VMAC: variants seen among roughly 807,000 people sequenced by gnomAD.
VMAC encodes vimentin-type intermediate filament-associated coiled-coil protein.
Under a neutral mutation model 4.8 loss-of-function variants are expected in VMAC, and 8 were observed. The observed-to-expected ratio is 1.68, with a 90% CI of 0.99 to 3.03. The LOEUF is 3.03. Among genes scored for constraint, VMAC ranks in the 30% most tolerant of loss-of-function variants. The pLI is 0.00. For synonymous variants in VMAC, 96 were observed against 113.7 expected (o/e 0.84, Z 0.99); for missense variants, 248 against 245.1 (o/e 1.01, Z -0.08).
intron 1 of VMAC, 104 bp downstream of exon 1, chr19:5,905,185 TA>T (rs1472369919): frequency 8.6e-7 from 1 of 1,163,882 alleles, no homozygotes; most frequent in Non-Finnish European, 1.1e-6. Flanking sequence ...TGCACTTGTA[TA>T]GACGCTAGAC....
chr19:5,906,823 G>A (rs1258998775), intron 1 of VMAC, among the ~76,000 whole-genome samples: 1 of 152,150 alleles, frequency 6.6e-6, no homozygotes, highest in Non-Finnish European at 1.5e-5. Flanking sequence ...TCAGGAGTTC[G>A]AGACCAGCCT....
At chr19:5,907,570 T>C (rs417337) in intron 1 of VMAC, among the ~76,000 whole-genome samples, 96,154 of 138,602 alleles carry the variant, frequency 0.69, 33,313 homozygotes, top group Admixed American at 0.79. Context: ...GTCAAGAATT[T>C]GAGACCAGCC....
At chr19:5,907,658 C>T (rs1261078055) in intron 1 of VMAC, among the ~76,000 whole-genome samples, 3 of 122,918 alleles carry the variant, frequency 2.4e-5, no homozygotes, top group African/African-American at 5.8e-5. Flanking sequence ...TGGTGGCACA[C>T]GCCTGCAGTC....
At position 5,904,930 on chromosome 19, in the gene VMAC, G is replaced by T; in HGVS notation, c.40G>T (p.Ala14Ser). The change falls in exon 1 of 2, where the codon GCA becomes TCA. Residue 14 changes from alanine (A) to serine (S), a missense_variant. By Grantham distance (99) the Ala-to-Ser change is moderately conservative (BLOSUM62 1). Coordinates refer to ENST00000339485, the MANE Select transcript of VMAC (RefSeq NM_001017921.4). Reference protein sequence around the residue: ...PPALQIREANAHLAAVHRRAA... With the variant: ...PPALQIREANSHLAAVHRRAA... ...GGCCCTGCAGATCCGGGAGGCAAAC[G>T]CACACCTGGCAGCCGTGCACCGGCG... 6.7e-7 allele frequency: 1 copy of T among 1,490,622 alleles called. No individual in the cohort carries two copies. Among genetic ancestry groups the T allele is most frequent in the Non-Finnish European group, 8.8e-7 (1 of 1,130,716 alleles). 92.3% of individuals were successfully genotyped at this position (1,490,622 alleles called of 1,614,324 possible).
chr19:5,910,287 T>A lies in VMAC; in HGVS notation c.*1145T>A, dbSNP rs570252377. On this transcript the variant is annotated 3_prime_UTR_variant, in exon 2 of 2. Transcript: ENST00000339485. Reference sequence around the variant, plus strand: ...CCTCTGTGTTATTTGTGCCTCCTGGTAGGGTCCTGCTGGGCCAGGTAGAAT... The same window carrying A: ...CCTCTGTGTTATTTGTGCCTCCTGGAAGGGTCCTGCTGGGCCAGGTAGAAT... The A allele has an allele frequency of 1.3e-5, 2 of 152,230 alleles. No homozygotes were observed. Among genetic ancestry groups the A allele is most frequent in the Non-Finnish European group, 1.5e-5 (1 of 68,064 alleles). 9.4% of individuals were successfully genotyped at this position (152,230 alleles called of 1,614,324 possible).
At position 5,908,926 on chromosome 19, in the gene VMAC, G is replaced by A. The variant is rs1471582360; in HGVS notation, c.294G>A (p.Gln98=). 2 of 1,613,672 alleles carry A rather than the reference G, an allele frequency of 1.2e-6. No homozygotes were observed. Among genetic ancestry groups the A allele is most frequent in the Admixed American group, 1.7e-5 (1 of 60,020 alleles). ...HQRDELIRQL[Q]PRAELLQDIC... is the part of the protein sequence containing the mutation. Reference sequence around the variant, plus strand: ...GGGACGAGCTCATTAGGCAGTTGCAGCCCCGGGCTGAGCTGCTGCAGGACA... The same window carrying A: ...GGGACGAGCTCATTAGGCAGTTGCAACCCCGGGCTGAGCTGCTGCAGGACA... The change falls in exon 2 of 2, where the codon CAG becomes CAA. Residue 98 remains glutamine, a synonymous_variant. Transcript: ENST00000339485. This position sits in a 1 kb window ranked among gnomAD's most constrained non-coding sequence, Gnocchi z 4.5.
intron 1 of VMAC, among the ~76,000 whole-genome samples, chr19:5,905,359 AG>A (rs1477981181): frequency 1.3e-5 from 2 of 152,210 alleles, no homozygotes; most frequent in East Asian, 3.8e-4. Flanking sequence ...AGGCATTGGG[AG>A]CCATAGCAGG....
rs1407877414 is a variant in VMAC, at chr19:5,909,337, C to A, written c.*195C>A. The A allele has an allele frequency of 1.8e-6, 1 of 557,560 alleles. No individual in the cohort carries two copies. The highest frequency in any genetic ancestry group is 3.0e-6 in the Non-Finnish European group (1 of 331,128). The allele number at this position is 557,560 out of a possible 1,614,324, so 34.5% of individuals were successfully genotyped here. Reference sequence around the variant, plus strand: ...GACGTTTAACCCAGACAGAAGTGTTCTTGTTTGTTTTTAAGCTTTGAATCA... The same window carrying A: ...GACGTTTAACCCAGACAGAAGTGTTATTGTTTGTTTTTAAGCTTTGAATCA... On this transcript the variant is annotated 3_prime_UTR_variant, in exon 2 of 2. Transcript: ENST00000339485.
intron 1 of VMAC, among the ~76,000 whole-genome samples, chr19:5,907,638 T>TAAAAAAAAAAAAAAAAAAAAAA (rs2057683620): frequency 3.2e-5 from 1 of 31,144 alleles, no homozygotes; most frequent in Non-Finnish European, 6.3e-5. Context: ...AAAAAAAAAT[T>TAAAAAAAAAAAAAAAAAAAAAA]AGCTGGGCAT....
In VMAC at chr19:5,908,698, A is replaced by G; in HGVS notation, c.192-126A>G. The stretch of plus-strand genomic sequence containing the variant: ...CTGTTCATAACCAGGGAGGACCCTG[A>G]GGCAGTGGTGAGGAATGCGGGCTTT... On this transcript the variant is annotated intron_variant, in intron 1 of 1. Transcript: ENST00000339485. The surrounding 1 kb of genome is among the most constrained non-coding windows in gnomAD (Gnocchi z 4.5). 1.3e-6 allele frequency: 1 copy of G among 746,474 alleles called. No homozygotes were observed. The highest frequency in any genetic ancestry group is 2.2e-6 in the Non-Finnish European group (1 of 446,382). The allele number at this position is 746,474 out of a possible 1,614,324, so 46.2% of individuals were successfully genotyped here.
Position 5,907,498 on chromosome 19 carries a change from C to T in VMAC, c.192-1326C>T, listed in dbSNP as rs1055242616. ...GTTCTCATGAGATCTGATGGCTGGGCGCAATGGCTCACGCCTATACTCTCA... is the reference window on the plus strand; with the variant it reads ...GTTCTCATGAGATCTGATGGCTGGGTGCAATGGCTCACGCCTATACTCTCA... On this transcript the variant is annotated intron_variant, in intron 1 of 1. Transcript: ENST00000339485. Among the ~76,000 whole-genome samples the T allele has an allele frequency of 4.6e-5, 7 of 151,186 alleles. No individual in the cohort carries two copies. The East Asian group carries it at 5.8e-4, about 13-fold the overall frequency.
At chr19:5,905,958 G>T (rs1182002448) in intron 1 of VMAC, among the ~76,000 whole-genome samples, 1 of 151,826 alleles carries the variant, frequency 6.6e-6, no homozygotes, top group Non-Finnish European at 1.5e-5. Context: ...CCCTTCCAAA[G>T]TGCTGGGATT....
Position 5,910,666 on chromosome 19 carries a change from T to G in VMAC, c.*1524T>G, listed in dbSNP as rs1471818529. The G allele has an allele frequency of 7.8e-6, 1 of 128,352 alleles. No individual in the cohort carries two copies. Among genetic ancestry groups the G allele is most frequent in the East Asian group, 2.1e-4 (1 of 4,668 alleles). The allele number at this position is 128,352 out of a possible 1,614,324, so 8.0% of individuals were successfully genotyped here. A position where few individuals can be genotyped will look rare whatever the true frequency, so the allele number is the denominator to read the frequency against. Reference sequence around the variant, plus strand: ...GCCTGGGAGACAGAGTGAGACTCAGTCTCAAAGAAAACAACAACAACAACA... The same window carrying G: ...GCCTGGGAGACAGAGTGAGACTCAGGCTCAAAGAAAACAACAACAACAACA... On this transcript the variant is annotated 3_prime_UTR_variant, in exon 2 of 2. Coordinates refer to ENST00000339485, the MANE Select transcript of VMAC (RefSeq NM_001017921.4).
Position 5,904,986 on chromosome 19 carries a change from G to T in VMAC, c.96G>T (p.Ala32=). The T allele has an allele frequency of 6.8e-7, 1 of 1,465,080 alleles. No individual in the cohort carries two copies. 90.8% of individuals were successfully genotyped at this position (1,465,080 alleles called of 1,614,324 possible). The stretch of plus-strand genomic sequence containing the variant: ...CGGAGCTGGAGGCGCGGCTGGACGC[G>T]GCGGAGCGCACGGTGCACGCCCAAG... ...RAAELEARLD[A]AERTVHAQAE... Residue 32 remains alanine, a synonymous_variant, in exon 1 of 2, where the codon GCG becomes GCT. Transcript: ENST00000339485.
Position 5,907,652 on chromosome 19 carries a change from G to A in VMAC, c.192-1172G>A, listed in dbSNP as rs1017465098. 4.9e-5 allele frequency among the ~76,000 whole-genome samples: 5 copies of A among 101,764 alleles called. No individual in the cohort carries two copies. The East Asian group carries it at 1.4e-3, about 28-fold the overall frequency. 66.8% of individuals were successfully genotyped at this position (101,764 alleles called of 152,430 possible). A position where few individuals can be genotyped will look rare whatever the true frequency, so the allele number is the denominator to read the frequency against. ...AAAAAAAAAATTAGCTGGGCATGGT[G>A]GCACACGCCTGCAGTCCCAGCTACT... On this transcript the variant is annotated intron_variant, in intron 1 of 1. Transcript: ENST00000339485.
chr19:5,905,429 A>T (rs1361748946), intron 1 of VMAC, among the ~76,000 whole-genome samples: 2 of 152,030 alleles, frequency 1.3e-5, no homozygotes, highest in Admixed American at 6.6e-5. Flanking sequence ...ATTTATTATT[A>T]TTTTTTTGAG....
Position 5,908,751 on chromosome 19 carries a change from C to T in VMAC, c.192-73C>T, listed in dbSNP as rs111563375. The T allele has an allele frequency of 2.1e-4, 323 of 1,526,874 alleles. 1 individual carries two copies. In the African/African-American group the frequency reaches 3.1e-3, roughly 15 times the overall value. 94.6% of individuals were successfully genotyped at this position (1,526,874 alleles called of 1,614,324 possible). On this transcript the variant is annotated intron_variant, in intron 1 of 1. Transcript: ENST00000339485. The surrounding 1 kb of genome is among the most constrained non-coding windows in gnomAD (Gnocchi z 4.5). The stretch of plus-strand genomic sequence containing the variant: ...CCCAAAGGTGATGGGGAACCTCTTG[C>T]GGGTCCAGAGCAGGGAGGAGCAGGT...
intron 1 of VMAC, among the ~76,000 whole-genome samples, chr19:5,906,635 C>G (rs1364919457): frequency 6.6e-6 from 1 of 152,098 alleles, no homozygotes; most frequent in Non-Finnish European, 1.5e-5. Context: ...TGAAGGCTTC[C>G]CAGAGGAAGA....
chr19:5,906,516 T>C (rs184462852), intron 1 of VMAC, among the ~76,000 whole-genome samples: 89 of 152,302 alleles, frequency 5.8e-4, no homozygotes, highest in Non-Finnish European at 1.0e-3. Flanking sequence ...GCCTTGCCCA[T>C]TGGGTATCCA....
Sources: allele counts gnomAD v4.1 joint callset (sites outside exome capture counted in the v4.1 genomes callset), GRCh38; gene constraint gnomAD v4.1.1; non-coding constraint Gnocchi (gnomAD v3.1); transcripts MANE v1.5; gene names NCBI Gene and HGNC (gene_info 2026-07-23, HGNC 2026-07-21).